ASB3: variants seen among roughly 807,000 people sequenced by gnomAD.
ASB3 encodes ankyrin repeat and SOCS box protein 3.
In ASB3, 41 loss-of-function variants were observed where a neutral mutation model predicts 54.5. The ratio of observed to expected loss-of-function variants is 0.75; its 90% confidence interval spans 0.59 to 0.98. The LOEUF is 0.98. Among genes scored for constraint, ASB3 ranks in the 50% least tolerant of loss-of-function variants. ASB3 has a pLI of 0.00. For synonymous variants in ASB3, 266 were observed against 221.2 expected (o/e 1.20, Z -1.80); for missense variants, 733 against 620.0 (o/e 1.18, Z -1.94).
chr2:53,676,362 A>G (rs962429871), intron 9 of ASB3, among the ~76,000 whole-genome samples: 3 of 152,234 alleles, frequency 2.0e-5, no homozygotes, highest in Non-Finnish European at 2.9e-5. Context: ...AAAAGCAGCC[A>G]CCACTCCTTC....
At chr2:53,774,389 G>C (rs750822548) in intron 1 of ASB3, 9 of 1,613,436 alleles carry the variant, frequency 5.6e-6, no homozygotes, top group East Asian at 4.5e-5. Flanking sequence ...CCAAGTGGAA[G>C]AAATACAGAA....
At chr2:53,781,619 C>A (rs1674655123) in intron 1 of ASB3, among the ~76,000 whole-genome samples, 1 of 152,102 alleles carries the variant, frequency 6.6e-6, no homozygotes, top group African/African-American at 2.4e-5. Flanking sequence ...CTTCAGCCTC[C>A]AGAGTAGCTG....
At chr2:53,707,642 G>A (rs895512954) in intron 7 of ASB3, among the ~76,000 whole-genome samples, 21 of 142,510 alleles carry the variant, frequency 1.5e-4, no homozygotes, top group South Asian at 9.3e-4. Flanking sequence ...GCGAGACTCC[G>A]TCTCAAAAAA....
chr2:53,696,678 A>G (rs1669198707), intron 8 of ASB3, among the ~76,000 whole-genome samples: 1 of 152,206 alleles, frequency 6.6e-6, no homozygotes, highest in South Asian at 2.1e-4. Flanking sequence ...AGAGTCAACC[A>G]ATGGTAGATT....
At chr2:53,709,523 A>G (rs1000194087) in intron 7 of ASB3, among the ~76,000 whole-genome samples, 1 of 152,218 alleles carries the variant, frequency 6.6e-6, no homozygotes, top group African/African-American at 2.4e-5. Context: ...GAAAGTTAGT[A>G]TAAGATGTTT....
chr2:53,759,662 T>C (rs1673032530), intron 2 of ASB3, among the ~76,000 whole-genome samples: 1 of 152,106 alleles, frequency 6.6e-6, no homozygotes, highest in African/African-American at 2.4e-5. Flanking sequence ...GCTGGGCAAA[T>C]CGAATGCCTA....
intron 7 of ASB3, among the ~76,000 whole-genome samples, chr2:53,710,998 C>T (rs962478941): frequency 1.3e-5 from 2 of 151,888 alleles, no homozygotes; most frequent in Admixed American, 6.6e-5. Context: ...GGCATGGTGG[C>T]GCACAACCGT....
chr2:53,684,173 A>T (rs1396802376), intron 9 of ASB3, among the ~76,000 whole-genome samples: 2 of 152,206 alleles, frequency 1.3e-5, no homozygotes, highest in Non-Finnish European at 2.9e-5. Context: ...TAATAACTAG[A>T]TTCGTACATG....
At chr2:53,772,782 T>G (rs1199189684) in intron 1 of ASB3, among the ~76,000 whole-genome samples, 1 of 152,206 alleles carries the variant, frequency 6.6e-6, no homozygotes, top group African/African-American at 2.4e-5. Flanking sequence ...CATGGGGGTT[T>G]GTTGTACAGA....
chr2:53,757,985 TTAAG>T (rs751756695), intron 2 of ASB3, among the ~76,000 whole-genome samples: 3 of 151,670 alleles, frequency 2.0e-5, no homozygotes, highest in Non-Finnish European at 2.9e-5. Flanking sequence ...TGAAAGCGAA[TTAAG>T]TAACTCAAGG....
At chr2:53,710,055 G>A (rs562646153) in intron 7 of ASB3, among the ~76,000 whole-genome samples, 37 of 152,324 alleles carry the variant, frequency 2.4e-4, no homozygotes, top group Non-Finnish European at 4.6e-4. Flanking sequence ...CTCCTGTCAA[G>A]CTTGCTAATG....
chr2:53,721,778 G>A (rs928060217), intron 5 of ASB3, among the ~76,000 whole-genome samples: 5 of 151,856 alleles, frequency 3.3e-5, no homozygotes, highest in African/African-American at 1.2e-4. Context: ...ATCACACTTC[G>A]AGGAATAAGA....
intron 3 of ASB3, among the ~76,000 whole-genome samples, chr2:53,733,427 C>T (rs1671430131): frequency 6.7e-6 from 1 of 149,424 alleles, no homozygotes; most frequent in African/African-American, 2.5e-5. Flanking sequence ...TCCCTCAATT[C>T]CATACCTTCT....
intron 9 of ASB3, among the ~76,000 whole-genome samples, chr2:53,690,209 C>A (rs958186510): frequency 6.6e-6 from 1 of 152,020 alleles, no homozygotes; most frequent in African/African-American, 2.4e-5. Flanking sequence ...GCACTCCAGC[C>A]TGGTCAACAG....
At chr2:53,745,641 C>A (rs1215978936) in intron 3 of ASB3, among the ~76,000 whole-genome samples, 2 of 152,188 alleles carry the variant, frequency 1.3e-5, no homozygotes, top group Non-Finnish European at 2.9e-5. Context: ...TCACTTTCTA[C>A]CCCTAGATCC....
intron 9 of ASB3, among the ~76,000 whole-genome samples, chr2:53,671,330 C>T (rs993257755): frequency 6.6e-6 from 1 of 150,956 alleles, no homozygotes; most frequent in Non-Finnish European, 1.5e-5. Flanking sequence ...AGGATTCAAA[C>T]TCAGATCTAT....
In ASB3 at chr2:53,707,508, C is replaced by T. The variant is rs1304566896; in HGVS notation, c.980+6876G>A. Among the ~76,000 whole-genome samples, 14 of 151,282 alleles carry T rather than the reference C, an allele frequency of 9.3e-5. No homozygotes were observed. In the South Asian group the frequency reaches 2.1e-3, roughly 23 times the overall value. ...AAATACAAAAACAAAATTATCTGCG[C>T]GTGATGGCGGGCACCTGTAGTCCCA... On this transcript the variant is annotated intron_variant, in intron 7 of 9. Coordinates refer to ENST00000263634, the MANE Select transcript of ASB3 (RefSeq NM_016115.5).
At chr2:53,682,961 C>G (rs1254741531) in intron 9 of ASB3, among the ~76,000 whole-genome samples, 1 of 152,122 alleles carries the variant, frequency 6.6e-6, no homozygotes, top group Non-Finnish European at 1.5e-5. Flanking sequence ...CTTGGATGCC[C>G]TTTCTTTCTT....
In ASB3 at chr2:53,714,837, C is replaced by A. The variant is rs57434611; in HGVS notation, c.783-256G>T. On this transcript the variant is annotated intron_variant, in intron 6 of 9. Coordinates refer to ENST00000263634, the MANE Select transcript of ASB3 (RefSeq NM_016115.5). ...CAAAATTAATGTTCCTATATGTAAA[C>A]AGAAAAGGTGCTCTTTTAATTTTAT... Among the ~76,000 whole-genome samples, 14 of 152,198 alleles carry A rather than the reference C, an allele frequency of 9.2e-5. No homozygotes were observed. In the East Asian group the frequency reaches 2.5e-3, roughly 27 times the overall value.
Sources: gnomAD v4.1 joint callset for allele counts (sites outside exome capture counted in the v4.1 genomes callset) on GRCh38, gnomAD v4.1.1 for gene constraint, MANE v1.5 for transcripts, NCBI Gene and HGNC (gene_info 2026-07-23, HGNC 2026-07-21) for gene names.